DLG2: variants seen among roughly 807,000 people sequenced by gnomAD.
The protein encoded by DLG2 is disks large homolog 2.
A neutral mutation model predicts 132.5 loss-of-function variants in DLG2; 45 were observed. The ratio of observed to expected loss-of-function variants is 0.34; its 90% CI spans 0.27 to 0.44. The LOEUF (loss-of-function observed/expected upper bound fraction) is 0.44, where lower values mean the gene tolerates loss of function less well. DLG2 is among the 20% of genes least tolerant of loss of function. The pLI is 1.00. For missense variants in DLG2, 1,045 were observed against 1,196.9 expected, an observed-to-expected ratio of 0.87 and a Z score of 1.87; for synonymous variants, 424 against 419.6, an observed-to-expected ratio of 1.01 and a Z score of -0.13.
In DLG2 at chr11:83,620,869, C is replaced by CAAAAAAAA. The variant is rs56868518; in HGVS notation, c.1940+12334_1940+12341dup. ...TGGGCGACAGAGCGAGACTCCGTCT[C>CAAAAAAAA]AAAAAAAAAAAAAAAAAAAAAAAAA... On this transcript the variant is annotated intron_variant, in intron 19 of 27. Coordinates refer to ENST00000376104, the MANE Select transcript of DLG2 (RefSeq NM_001142699.3). Among the ~76,000 whole-genome samples, 38 of 57,208 alleles carry CAAAAAAAA rather than the reference C, an allele frequency of 6.6e-4. 3 individuals carry two copies. The highest frequency in any genetic ancestry group is 3.6e-3 in the African/African-American group (36 of 10,098). 37.5% of individuals were successfully genotyped at this position (57,208 alleles called of 152,430 possible). A position where few individuals can be genotyped will look rare whatever the true frequency, so the allele number is the denominator to read the frequency against.
intron 4 of DLG2, among the ~76,000 whole-genome samples, chr11:85,216,249 C>T (rs974421082): frequency 6.6e-6 from 1 of 152,136 alleles, no homozygotes; most frequent in African/African-American, 2.4e-5. Flanking sequence ...AACACAGGAT[C>T]ATACAAATAG....
At chr11:83,918,607 G>A (rs1430521810) in intron 15 of DLG2, among the ~76,000 whole-genome samples, 3 of 152,186 alleles carry the variant, frequency 2.0e-5, no homozygotes, top group African/African-American at 7.2e-5. Flanking sequence ...TGAGTCACAA[G>A]AATCCCAGAG....
At chr11:84,144,610 G>C (rs1296944109) in intron 9 of DLG2, among the ~76,000 whole-genome samples, 1 of 152,126 alleles carries the variant, frequency 6.6e-6, no homozygotes. Context: ...CAATTAGGAA[G>C]GGGTAGGAAG....
intron 6 of DLG2, among the ~76,000 whole-genome samples, chr11:84,969,517 A>G (rs1200903665): frequency 6.6e-6 from 1 of 152,232 alleles, no homozygotes; most frequent in Non-Finnish European, 1.5e-5. Flanking sequence ...AAAAGCTTCC[A>G]ATCTGGGACT....
intron 3 of DLG2, among the ~76,000 whole-genome samples, chr11:85,494,267 T>C (rs1436225871): frequency 6.6e-6 from 1 of 152,222 alleles, no homozygotes; most frequent in Non-Finnish European, 1.5e-5. Flanking sequence ...CTTTATAACA[T>C]GTATTGATTT....
intron 6 of DLG2, among the ~76,000 whole-genome samples, chr11:84,578,144 G>T (rs2099507476): frequency 6.6e-6 from 1 of 152,182 alleles, no homozygotes; most frequent in Admixed American, 6.5e-5. Flanking sequence ...CTGGATGCCT[G>T]GGCAAAATTT....
chr11:83,807,282 A>G (rs2046150628), intron 17 of DLG2, among the ~76,000 whole-genome samples: 1 of 152,240 alleles, frequency 6.6e-6, no homozygotes, highest in African/African-American at 2.4e-5. Context: ...TATTATAAGC[A>G]TCAGAAAAAT....
chr11:84,303,721 GA>G (rs1246707703), intron 7 of DLG2, among the ~76,000 whole-genome samples: 16 of 152,048 alleles, frequency 1.1e-4, no homozygotes, highest in African/African-American at 3.6e-4. Flanking sequence ...AATTGAATAA[GA>G]ATCTGAGTTA....
intron 3 of DLG2, among the ~76,000 whole-genome samples, chr11:85,482,855 A>G (rs2093331593): frequency 6.6e-6 from 1 of 152,200 alleles, no homozygotes; most frequent in Non-Finnish European, 1.5e-5. Context: ...TCTAGACCTT[A>G]CAGACTAAGG....
intron 19 of DLG2, among the ~76,000 whole-genome samples, chr11:83,552,630 G>A (rs1021320199): frequency 1.3e-5 from 2 of 152,090 alleles, no homozygotes; most frequent in Non-Finnish European, 2.9e-5. Flanking sequence ...AGCCGCCTCT[G>A]TAATATAGTA....
At chr11:84,127,255 G>T (rs2094215389) in intron 9 of DLG2, among the ~76,000 whole-genome samples, 1 of 152,150 alleles carries the variant, frequency 6.6e-6, no homozygotes, top group African/African-American at 2.4e-5. Flanking sequence ...GGTGAAATTT[G>T]TTGTTTAGGA....
chr11:84,749,475 T>C (rs2153833103), intron 6 of DLG2, among the ~76,000 whole-genome samples: 1 of 152,290 alleles, frequency 6.6e-6, no homozygotes, highest in Admixed American at 6.5e-5. Context: ...GTATATATGT[T>C]TAGGTATATA....
intron 6 of DLG2, among the ~76,000 whole-genome samples, chr11:84,839,068 T>C (rs183796624): frequency 9.9e-5 from 15 of 152,228 alleles, no homozygotes; most frequent in African/African-American, 3.1e-4. Context: ...TGTTTGCAGA[T>C]GACATGAGTG....
At chr11:85,162,072 T>C (rs902725102) in intron 4 of DLG2, among the ~76,000 whole-genome samples, 4 of 152,164 alleles carry the variant, frequency 2.6e-5, no homozygotes, top group Admixed American at 2.0e-4. Context: ...TCCATTAACC[T>C]GGAATTGCCA....
chr11:85,247,681 C>CAAGGGA (rs2076204304), intron 4 of DLG2, among the ~76,000 whole-genome samples: 1 of 151,986 alleles, frequency 6.6e-6, no homozygotes, highest in East Asian at 1.9e-4. Flanking sequence ...ATTCAAGAGA[C>CAAGGGA]AAGGGATAGC....
intron 6 of DLG2, among the ~76,000 whole-genome samples, chr11:84,562,108 G>A (rs2099429818): frequency 1.3e-5 from 2 of 152,048 alleles, no homozygotes; most frequent in Non-Finnish European, 2.9e-5. Context: ...ACAATATCAA[G>A]CAATGTATAA....
At chr11:85,100,788 G>A (rs2070732094) in intron 6 of DLG2, among the ~76,000 whole-genome samples, 1 of 152,102 alleles carries the variant, frequency 6.6e-6, no homozygotes, top group African/African-American at 2.4e-5. Flanking sequence ...GCTACTCTGA[G>A]AGTTTATATA....
intron 7 of DLG2, among the ~76,000 whole-genome samples, chr11:84,354,648 A>G (rs2098600205): frequency 6.6e-6 from 1 of 152,052 alleles, no homozygotes; most frequent in East Asian, 1.9e-4. Context: ...TCGAGACCTT[A>G]GAACCATCTG....
chr11:84,906,832 C>T (rs1458367384), intron 6 of DLG2, among the ~76,000 whole-genome samples: 1 of 152,030 alleles, frequency 6.6e-6, no homozygotes, highest in African/African-American at 2.4e-5. Flanking sequence ...GAACTGAATC[C>T]AAGGCATGGA....
Sources: allele counts gnomAD v4.1 joint callset (sites outside exome capture counted in the v4.1 genomes callset), GRCh38; gene constraint gnomAD v4.1.1; transcripts MANE v1.5; gene names NCBI Gene and HGNC (gene_info 2026-07-23, HGNC 2026-07-21).